TRIM66: variants seen among roughly 807,000 people sequenced by gnomAD.
The protein encoded by TRIM66 is tripartite motif-containing protein 66.
TRIM66 carries 99 observed loss-of-function variants against 148.2 expected under a neutral mutation model. That is an observed-to-expected ratio of 0.67 (90% CI 0.57 to 0.79). The LOEUF is 0.79. Ranked by LOEUF, TRIM66 falls within the 30% of genes least tolerant of loss-of-function variation. TRIM66 has a pLI of 0.00. For synonymous variants in TRIM66, 616 were observed against 635.9 expected, an observed-to-expected ratio of 0.97 and a Z score of 0.47; for missense variants, 1,666 against 1,697.9, an observed-to-expected ratio of 0.98 and a Z score of 0.33.
chr11:8,644,980 C>T (rs897236983), intron 12 of TRIM66, among the ~76,000 whole-genome samples: 1 of 152,170 alleles, frequency 6.6e-6, no homozygotes, highest in African/African-American at 2.4e-5. Context: ...AACCTCTGAC[C>T]ATTGCTTCTC....
chr11:8,673,174 C>T (rs915550654), intron 4 of TRIM66, among the ~76,000 whole-genome samples: 18 of 144,208 alleles, frequency 1.2e-4, no homozygotes, highest in Non-Finnish European at 1.5e-4. Context: ...ATGATCCACC[C>T]GCCTCGGCCT....
intron 6 of TRIM66, 140 bp downstream of exon 6, chr11:8,671,646 C>T (rs887845532): frequency 1.7e-6 from 1 of 605,262 alleles, no homozygotes; most frequent in South Asian, 2.0e-5. Context: ...TCACAGATTC[C>T]CCCAAAGATT....
Position 8,617,866 on chromosome 11 carries a change from G to C in TRIM66, c.*78C>G. ...TCATCTACCATCCACACTCTGAAGA[G>C]GATAAGCTGCAAGATGGGGAGGAAT... On this transcript the variant is annotated 3_prime_UTR_variant, in exon 25 of 25. Coordinates refer to ENST00000646038, the MANE Select transcript of TRIM66 (RefSeq NM_001388022.1). 7.3e-7 allele frequency: 1 copy of C among 1,376,358 alleles called. No homozygotes were observed. Among genetic ancestry groups the C allele is most frequent in the Non-Finnish European group, 1.0e-6 (1 of 987,450 alleles). 85.3% of individuals were successfully genotyped at this position (1,376,358 alleles called of 1,614,324 possible). A position where few individuals can be genotyped will look rare whatever the true frequency, so the allele number is the denominator to read the frequency against.
intron 6 of TRIM66, among the ~76,000 whole-genome samples, chr11:8,663,526 G>A (rs1227728942): frequency 5.3e-5 from 8 of 151,654 alleles, no homozygotes; most frequent in Admixed American, 1.3e-4. Context: ...CTACTGTCTC[G>A]CTCTCTCTCT....
At chr11:8,681,675 G>A (rs2039435534) in intron 1 of TRIM66, among the ~76,000 whole-genome samples, 1 of 152,166 alleles carries the variant, frequency 6.6e-6, no homozygotes, top group Non-Finnish European at 1.5e-5. Context: ...ACAGGGAGGT[G>A]AGGGTAAGTT....
chr11:8,635,680 C>T (rs548982144), intron 15 of TRIM66, among the ~76,000 whole-genome samples: 55 of 152,306 alleles, frequency 3.6e-4, no homozygotes, highest in African/African-American at 1.3e-3. Context: ...CAAACCTCTA[C>T]AGGAGTCCCT....
chr11:8,665,911 T>C (rs188008321), intron 6 of TRIM66, among the ~76,000 whole-genome samples: 3 of 152,050 alleles, frequency 2.0e-5, no homozygotes, highest in African/African-American at 7.2e-5. Flanking sequence ...ATCTCACCAC[T>C]GCACTCCAGC....
At chr11:8,652,438 C>A (rs1436772623) in intron 6 of TRIM66, among the ~76,000 whole-genome samples, 1 of 152,168 alleles carries the variant, frequency 6.6e-6, no homozygotes, top group Non-Finnish European at 1.5e-5. Flanking sequence ...TCTCTTAGTA[C>A]AGCATATACC....
At chr11:8,681,593 C>G (rs183509384) in intron 1 of TRIM66, among the ~76,000 whole-genome samples, 4 of 151,738 alleles carry the variant, frequency 2.6e-5, no homozygotes, top group Non-Finnish European at 4.4e-5. Flanking sequence ...AATAGACTAG[C>G]GAGGGGATGG....
At position 8,615,303 on chromosome 11, in the gene TRIM66, T is replaced by A. The variant is rs1378292892; in HGVS notation, c.*2641A>T. 1 of 152,218 alleles carries A rather than the reference T, an allele frequency of 6.6e-6. No homozygotes were observed. Among genetic ancestry groups the A allele is most frequent in the Admixed American group, 6.5e-5 (1 of 15,280 alleles). 9.4% of individuals were successfully genotyped at this position (152,218 alleles called of 1,614,324 possible). On this transcript the variant is annotated 3_prime_UTR_variant, in exon 25 of 25. Coordinates refer to ENST00000646038, the MANE Select transcript of TRIM66 (RefSeq NM_001388022.1). Reference sequence around the variant, plus strand: ...CCCCTTGCATCAACTGAAGCCATTTTACTGTCTTATTTCTCAGCATACCCA... The same window carrying A: ...CCCCTTGCATCAACTGAAGCCATTTAACTGTCTTATTTCTCAGCATACCCA...
intron 7 of TRIM66, among the ~76,000 whole-genome samples, chr11:8,650,495 G>C (rs1006956443): frequency 6.6e-6 from 1 of 151,282 alleles, no homozygotes; most frequent in Non-Finnish European, 1.5e-5. Flanking sequence ...GAAGGAGGGA[G>C]GGAGGGAGGG....
chr11:8,621,379 AG>A, intron 19 of TRIM66, 58 bp from the exon 20 acceptor site: 1 of 1,497,366 alleles, frequency 6.7e-7, no homozygotes. Flanking sequence ...CTCTCGAGGG[AG>A]GGGAGGGAGA....
chr11:8,613,114 TAGAG>T lies in TRIM66; in HGVS notation c.*4826_*4829del, dbSNP rs759024194. 5 of 152,128 alleles carry T rather than the reference TAGAG, an allele frequency of 3.3e-5. No homozygotes were observed. Among genetic ancestry groups the T allele is most frequent in the South Asian group, 2.1e-4 (1 of 4,804 alleles). 9.4% of individuals were successfully genotyped at this position (152,128 alleles called of 1,614,324 possible). ...CAGGAAAAGGAAGGGACTCAGGAAATAGAGAGACAGACAGAGGAAGCAGGAGCAG... is the reference window on the plus strand; with the variant it reads ...CAGGAAAAGGAAGGGACTCAGGAAATAGACAGACAGAGGAAGCAGGAGCAG... On this transcript the variant is annotated 3_prime_UTR_variant, in exon 25 of 25. Coordinates refer to ENST00000646038, the MANE Select transcript of TRIM66 (RefSeq NM_001388022.1).
At position 8,638,701 on chromosome 11, in the gene TRIM66, G is replaced by A. The variant is rs552361700; in HGVS notation, c.2263C>T (p.Pro755Ser). 9 of 1,549,448 alleles carry A rather than the reference G, an allele frequency of 5.8e-6. No homozygotes were observed. The highest frequency in any genetic ancestry group is 2.5e-5 in the East Asian group (1 of 40,700). The change falls in exon 15 of 25, where the codon CCA becomes TCA. Residue 755 changes from proline to serine, a missense_variant. By Grantham distance (74) the Pro-to-Ser change is moderately conservative. Transcript: ENST00000646038. ...SGEETPLSVPPVDSTIQHSSP... is the reference protein window; with the variant it reads ...SGEETPLSVPSVDSTIQHSSP... Reference sequence around the variant, plus strand: ...GAGTGCTGGATGGTGCTGTCCACTGGGGGGACACTGAGAGGGGTTTCTTCC... The same window carrying A: ...GAGTGCTGGATGGTGCTGTCCACTGAGGGGACACTGAGAGGGGTTTCTTCC...
At chr11:8,669,027 T>G (rs115831081) in intron 6 of TRIM66, among the ~76,000 whole-genome samples, 1 of 152,172 alleles carries the variant, frequency 6.6e-6, no homozygotes, top group African/African-American at 2.4e-5. Flanking sequence ...AGGAAACAAA[T>G]AGACTTCACC....
chr11:8,676,381 A>G (rs1471109076), intron 3 of TRIM66, among the ~76,000 whole-genome samples: 1 of 152,144 alleles, frequency 6.6e-6, no homozygotes, highest in African/African-American at 2.4e-5. Context: ...ATCAAATAAC[A>G]CGTTAGCTTT....
chr11:8,680,524 T>C (rs1210725050), intron 1 of TRIM66: 1 of 151,984 alleles, frequency 6.6e-6, no homozygotes, highest in East Asian at 1.9e-4. Context: ...AGGGTGACAG[T>C]GTAGTAGAAG....
chr11:8,638,946 C>T (rs894488843), intron 14 of TRIM66, 131 bp from the exon 15 acceptor site: 44 of 962,012 alleles, frequency 4.6e-5, no homozygotes, highest in African/African-American at 4.3e-4. Context: ...ACTGCTTAAA[C>T]GTTTTCCAAA....
intron 12 of TRIM66, among the ~76,000 whole-genome samples, chr11:8,643,609 T>C (rs1017153499): frequency 2.0e-5 from 3 of 152,188 alleles, no homozygotes; most frequent in African/African-American, 7.2e-5. Flanking sequence ...CCCAAAGTGC[T>C]GGAATTACAG....
Sources: allele counts gnomAD v4.1 joint callset (sites outside exome capture counted in the v4.1 genomes callset), GRCh38; gene constraint gnomAD v4.1.1; transcripts MANE v1.5; gene names NCBI Gene and HGNC (gene_info 2026-07-23, HGNC 2026-07-21).